Variants in LHPP observed in about 807,000 individuals in gnomAD.
LHPP encodes the protein hLHPP.
Under a neutral mutation model 30.3 loss-of-function variants are expected in LHPP, and 24 were observed. That is an observed-to-expected ratio of 0.79 (90% CI 0.57 to 1.11). The LOEUF (loss-of-function observed/expected upper bound fraction) is 1.11. LHPP is among the 50% of genes most tolerant of loss of function. The pLI is 0.00. For synonymous variants in LHPP, 150 were observed against 157.1 expected (o/e 0.95, Z 0.34); for missense variants, 356 against 367.2 (o/e 0.97, Z 0.25).
At chr10:124,536,405 C>T (rs1955029633) in intron 6 of LHPP, among the ~76,000 whole-genome samples, 1 of 152,230 alleles carries the variant, frequency 6.6e-6, no homozygotes, top group African/African-American at 2.4e-5. Flanking sequence ...GCTCCGAGGC[C>T]ACCCCAGCCA....
intron 3 of LHPP, chr10:124,490,272 A>G: frequency 5.1e-6 from 1 of 197,494 alleles, no homozygotes; most frequent in South Asian, 8.2e-5. Flanking sequence ...TTTAGGCCGC[A>G]GCCTGCCAGT....
intron 6 of LHPP, among the ~76,000 whole-genome samples, chr10:124,556,399 C>T (rs762635041): frequency 5.3e-5 from 8 of 152,222 alleles, no homozygotes; most frequent in Non-Finnish European, 7.3e-5. Context: ...CGCGTGTGGA[C>T]GCATCCTAAA....
At chr10:124,495,210 C>G (rs1953667527) in intron 3 of LHPP, among the ~76,000 whole-genome samples, 1 of 152,118 alleles carries the variant, frequency 6.6e-6, no homozygotes, top group Non-Finnish European at 1.5e-5. Flanking sequence ...TGTGAGCATT[C>G]ACAGCATCCC....
rs572146959 is a variant in LHPP, at chr10:124,574,626, C to T, written c.717-38638C>T. On this transcript the variant is annotated intron_variant, in intron 6 of 6. Coordinates refer to ENST00000368842, the MANE Select transcript of LHPP (RefSeq NM_022126.4). ...GGTGGCGCCGAGGGAGGGGAGTGGT[C>T]GCATCCCACCGGGTGCCTGGAATGG... Among the ~76,000 whole-genome samples the T allele has an allele frequency of 4.6e-5, 7 of 152,232 alleles. No individual in the cohort carries two copies. In the East Asian group the frequency reaches 7.7e-4, roughly 17 times the overall value.
At chr10:124,485,835 A>C (rs1479562458) in intron 2 of LHPP, among the ~76,000 whole-genome samples, 3 of 152,126 alleles carry the variant, frequency 2.0e-5, no homozygotes, top group African/African-American at 7.2e-5. Context: ...TCCTGACCTC[A>C]GGTGATCCAC....
At position 124,496,812 on chromosome 10, in the gene LHPP, CAT is replaced by C; in HGVS notation, c.468-148_468-147del. Reference sequence around the variant, plus strand: ...CTCTGTGGTGCTGGTCCCCTGCGGTCATTCTCAGCGTAGCGCCTGGACTGCCC... The same window carrying C: ...CTCTGTGGTGCTGGTCCCCTGCGGTCTCTCAGCGTAGCGCCTGGACTGCCC... On this transcript the variant is annotated intron_variant, in intron 3 of 6. Transcript: ENST00000368842. The surrounding 1 kb of genome is among the most constrained non-coding windows in gnomAD (Gnocchi z 4.3). The C allele has an allele frequency of 1.5e-6, 1 of 681,080 alleles. No individual in the cohort carries two copies. Among genetic ancestry groups the C allele is most frequent in the Non-Finnish European group, 2.5e-6 (1 of 395,554 alleles). 42.2% of individuals were successfully genotyped at this position (681,080 alleles called of 1,614,324 possible). A position where few individuals can be genotyped will look rare whatever the true frequency, so the allele number is the denominator to read the frequency against.
intron 6 of LHPP, among the ~76,000 whole-genome samples, chr10:124,601,285 C>T (rs1415033917): frequency 2.0e-5 from 3 of 152,222 alleles, no homozygotes; most frequent in African/African-American, 7.2e-5. Flanking sequence ...CGCTGCAGCG[C>T]AGTGCTGCCC....
intron 6 of LHPP, among the ~76,000 whole-genome samples, chr10:124,529,898 G>C (rs1954849935): frequency 6.6e-6 from 1 of 152,238 alleles, no homozygotes; most frequent in Non-Finnish European, 1.5e-5. Context: ...GCCCCAGCGG[G>C]GAAGGGGTGT....
At chr10:124,594,102 C>T (rs954451272) in intron 6 of LHPP, among the ~76,000 whole-genome samples, 4 of 151,986 alleles carry the variant, frequency 2.6e-5, no homozygotes, top group Admixed American at 6.5e-5. Context: ...CTGAGGCAGG[C>T]GGATCACTTG....
At chr10:124,543,238 A>C (rs1955244817) in intron 6 of LHPP, among the ~76,000 whole-genome samples, 1 of 152,160 alleles carries the variant, frequency 6.6e-6, no homozygotes, top group Admixed American at 6.5e-5. Flanking sequence ...TATGGCCCCC[A>C]CAGGGGTTGG....
At chr10:124,585,019 A>C (rs1022595094) in intron 6 of LHPP, among the ~76,000 whole-genome samples, 4 of 152,220 alleles carry the variant, frequency 2.6e-5, no homozygotes, top group African/African-American at 9.7e-5. Flanking sequence ...CACAAATTTT[A>C]TGTTTAGATT....
chr10:124,583,834 C>T (rs1008428191), intron 6 of LHPP, among the ~76,000 whole-genome samples: 2 of 152,148 alleles, frequency 1.3e-5, no homozygotes, highest in African/African-American at 4.8e-5. Context: ...GACAAATATT[C>T]AAACTAAAGC....
intron 6 of LHPP, among the ~76,000 whole-genome samples, chr10:124,597,019 T>C (rs1948952676): frequency 6.6e-6 from 1 of 152,078 alleles, no homozygotes. Flanking sequence ...TGGGAAGACT[T>C]TGTTTGCTGG....
At chr10:124,499,998 A>C (rs1269421556) in intron 5 of LHPP, among the ~76,000 whole-genome samples, 2 of 152,046 alleles carry the variant, frequency 1.3e-5, no homozygotes, top group East Asian at 3.8e-4. Context: ...GAACTGCAGC[A>C]ATAAATAACC....
intron 3 of LHPP, among the ~76,000 whole-genome samples, chr10:124,494,404 T>C (rs1378960280): frequency 6.6e-6 from 1 of 152,122 alleles, no homozygotes; most frequent in African/African-American, 2.4e-5. Flanking sequence ...TGGAGTAGTT[T>C]TGTTGATTTC....
chr10:124,552,257 C>G (rs1456971139), intron 6 of LHPP, among the ~76,000 whole-genome samples: 1 of 152,140 alleles, frequency 6.6e-6, no homozygotes, highest in East Asian at 1.9e-4. Context: ...TACCGGATCC[C>G]CATTACGGAA....
rs866325514 is a variant in LHPP at position 124,496,079 on chromosome 10, T to C, written c.468-882T>C. The stretch of plus-strand genomic sequence containing the variant: ...CAGGAGGAGAGGGAAACTGATGTGA[T>C]GGTGGATGGCAAAACATTTTAGTGG... On this transcript the variant is annotated intron_variant, in intron 3 of 6. Transcript: ENST00000368842. The surrounding 1 kb of genome is among the most constrained non-coding windows in gnomAD (Gnocchi z 4.3). Among the ~76,000 whole-genome samples, 17 of 152,278 alleles carry C rather than the reference T, an allele frequency of 1.1e-4. No individual in the cohort carries two copies. The highest frequency in any genetic ancestry group is 3.8e-4 in the African/African-American group (16 of 41,580).
In LHPP at chr10:124,506,343, T is replaced by A. The variant is rs1337051197; in HGVS notation, c.624+8215T>A. 2.0e-5 allele frequency among the ~76,000 whole-genome samples: 3 copies of A among 147,182 alleles called. No individual in the cohort carries two copies. In the East Asian group the frequency reaches 6.3e-4, roughly 31 times the overall value. On this transcript the variant is annotated intron_variant, in intron 5 of 6. Coordinates refer to ENST00000368842, the MANE Select transcript of LHPP (RefSeq NM_022126.4). ...GTCATTTTGTGGTGAGGGGATGTCC[T>A]ATGCATTGTAGGGTGCTAAACAGCA...
intron 6 of LHPP, chr10:124,553,980 G>C: frequency 2.0e-6 from 2 of 985,430 alleles, no homozygotes; most frequent in Non-Finnish European, 2.4e-6. Context: ...TCTGGGAACT[G>C]GGCGCTCCTG....
Sources: allele counts gnomAD v4.1 joint callset (sites outside exome capture counted in the v4.1 genomes callset), GRCh38; gene constraint gnomAD v4.1.1; non-coding constraint Gnocchi (gnomAD v3.1); transcripts MANE v1.5; gene names NCBI Gene and HGNC (gene_info 2026-07-23, HGNC 2026-07-21).